The following EEFSEC variants were observed in gnomAD, a reference collection of about 807,000 sequenced individuals.
The protein encoded by EEFSEC is selenocysteine-specific elongation factor.
Under a neutral mutation model 42.1 loss-of-function variants are expected in EEFSEC, and 43 were observed. The observed-to-expected ratio is 1.02, with a 90% CI of 0.80 to 1.32. The LOEUF (loss-of-function observed/expected upper bound fraction) is 1.32, where lower values mean the gene tolerates loss of function less well. EEFSEC is among the 40% of genes most tolerant of loss of function. The probability of loss-of-function intolerance (pLI) is 0.00; values close to 1 mark genes in which losing one functional copy is unlikely to be tolerated. For synonymous variants in EEFSEC, 354 were observed against 339.1 expected (o/e 1.04, Z -0.48); for missense variants, 745 against 803.6 (o/e 0.93, Z 0.88).
At chr3:128,248,108 CTTGTTGAGCACA>C (rs745954392) in intron 2 of EEFSEC, among the ~76,000 whole-genome samples, 9 of 152,190 alleles carry the variant, frequency 5.9e-5, no homozygotes, top group Non-Finnish European at 1.2e-4. Context: ...AGAAAATGTC[CTTGTTGAGCACA>C]GTGTTGACAG....
At chr3:128,358,494 G>A (rs377127784) in intron 6 of EEFSEC, 121 bp downstream of exon 6, 62 of 1,402,820 alleles carry the variant, frequency 4.4e-5, no homozygotes, top group African/African-American at 1.9e-4. Flanking sequence ...GCCGAGACAC[G>A]GGGTGACTTG....
chr3:128,202,412 A>T (rs921814552), intron 1 of EEFSEC, among the ~76,000 whole-genome samples: 1 of 152,158 alleles, frequency 6.6e-6, no homozygotes, highest in African/African-American at 2.4e-5. Context: ...TAAGTATTTT[A>T]TGTATTTTGA....
chr3:128,265,849 A>T (rs2066348442), intron 4 of EEFSEC, among the ~76,000 whole-genome samples: 1 of 152,244 alleles, frequency 6.6e-6, no homozygotes, highest in Non-Finnish European at 1.5e-5. Context: ...GTAAAGATAC[A>T]TAGATGTAAA....
chr3:128,370,697 A>G (rs532171461), intron 6 of EEFSEC, among the ~76,000 whole-genome samples: 25 of 152,260 alleles, frequency 1.6e-4, no homozygotes, highest in African/African-American at 5.8e-4. Context: ...CCCTGTGACC[A>G]GCATCAGACC....
the EEFSEC span, among the ~76,000 whole-genome samples, chr3:128,416,833 A>T: frequency 4.5e-4 from 68 of 152,134 alleles, no homozygotes; most frequent in Admixed American, 3.2e-3. Context: ...AAATGAAGAG[A>T]TGGGTTCCTG....
At chr3:128,349,311 C>T (rs920251794) in intron 5 of EEFSEC, among the ~76,000 whole-genome samples, 6 of 152,148 alleles carry the variant, frequency 3.9e-5, no homozygotes, top group African/African-American at 1.2e-4. Context: ...GCAGGGCCGG[C>T]CCAGGCAGCC....
At chr3:128,220,142 G>A (rs2065847992) in intron 1 of EEFSEC, among the ~76,000 whole-genome samples, 2 of 152,186 alleles carry the variant, frequency 1.3e-5, no homozygotes, top group East Asian at 1.9e-4. Context: ...GAGAGAGTGA[G>A]TAACTTAACA....
At chr3:128,254,075 C>T (rs1015081806) in intron 2 of EEFSEC, among the ~76,000 whole-genome samples, 2 of 152,330 alleles carry the variant, frequency 1.3e-5, no homozygotes, top group Admixed American at 6.5e-5. Flanking sequence ...GAGGAGCTTC[C>T]TGTGCAGTTG....
chr3:128,288,696 C>T (rs1417623562), intron 4 of EEFSEC, among the ~76,000 whole-genome samples: 1 of 152,176 alleles, frequency 6.6e-6, no homozygotes, highest in Non-Finnish European at 1.5e-5. Context: ...GTTGACTTAA[C>T]CATCAGAAGT....
chr3:128,347,351 TCTAAATG>T (rs2067324829), intron 5 of EEFSEC, among the ~76,000 whole-genome samples: 1 of 152,110 alleles, frequency 6.6e-6, no homozygotes, highest in African/African-American at 2.4e-5. Flanking sequence ...GTGAAAGTGT[TCTAAATG>T]GCTAATCTTT....
intron 4 of EEFSEC, among the ~76,000 whole-genome samples, chr3:128,285,778 C>A (rs1178914727): frequency 1.3e-5 from 2 of 152,206 alleles, no homozygotes; most frequent in Non-Finnish European, 2.9e-5. Flanking sequence ...GCCGCCAGCA[C>A]CCTGCCACTC....
Position 128,182,884 on chromosome 3 carries a change from G to C in EEFSEC, c.316+29061G>C, listed in dbSNP as rs1310148677. ...TCCCACCAGCCACAGAGATCGGGGCGGGGGGGTGGGGTGGTTGGTCTAGTA... is the reference window on the plus strand; with the variant it reads ...TCCCACCAGCCACAGAGATCGGGGCCGGGGGGTGGGGTGGTTGGTCTAGTA... On this transcript the variant is annotated intron_variant, in intron 1 of 6. Transcript: ENST00000254730. Among the ~76,000 whole-genome samples the C allele has an allele frequency of 5.5e-4, 43 of 77,952 alleles. 5 individuals are homozygous for C. The highest frequency in any genetic ancestry group is 2.2e-3 in the African/African-American group (41 of 18,272). 51.1% of individuals were successfully genotyped at this position (77,952 alleles called of 152,430 possible).
rs558586574 is a variant in EEFSEC, at chr3:128,230,124, C to G, written c.317-16712C>G. On this transcript the variant is annotated intron_variant, in intron 1 of 6. Transcript: ENST00000254730. ...TTTTTCATTCATTCATTCTTTCTCT[C>G]CCTCCCTCCCTCCCTTCCTTCCTTT... Among the ~76,000 whole-genome samples, 709 of 137,068 alleles carry G rather than the reference C, an allele frequency of 5.2e-3. 2 individuals carry two copies. Among genetic ancestry groups the G allele is most frequent in the Non-Finnish European group, 9.1e-3 (584 of 64,050 alleles). 89.9% of individuals were successfully genotyped at this position (137,068 alleles called of 152,430 possible).
In EEFSEC at chr3:128,194,655, A is replaced by G. The variant is rs77664141; in HGVS notation, c.316+40832A>G. Among the ~76,000 whole-genome samples, 756 of 152,342 alleles carry G rather than the reference A, an allele frequency of 5.0e-3. 13 individuals are homozygous for G. Among genetic ancestry groups the G allele is most frequent in the African/African-American group, 0.017 (720 of 41,580 alleles). On this transcript the variant is annotated intron_variant, in intron 1 of 6. Coordinates refer to ENST00000254730, the MANE Select transcript of EEFSEC (RefSeq NM_021937.5). ...AATTGGGAGCCACCCAAATGAAGCA[A>G]AATAAGGTACTTTGTGCACCCTTCT...
At chr3:128,210,190 G>A (rs1321017018) in intron 1 of EEFSEC, among the ~76,000 whole-genome samples, 3 of 152,246 alleles carry the variant, frequency 2.0e-5, no homozygotes. Flanking sequence ...TTATTTAGTA[G>A]AGAGAATGGC....
chr3:128,166,321 G>T (rs2065242345), intron 1 of EEFSEC, among the ~76,000 whole-genome samples: 1 of 152,198 alleles, frequency 6.6e-6, no homozygotes, highest in African/African-American at 2.4e-5. Flanking sequence ...CTTTCCAGCA[G>T]AACTTTCTGT....
intron 4 of EEFSEC, among the ~76,000 whole-genome samples, chr3:128,299,784 G>C (rs1559909485): frequency 6.6e-6 from 1 of 152,228 alleles, no homozygotes; most frequent in Non-Finnish European, 1.5e-5. Flanking sequence ...GCTCCTCAGA[G>C]ATGACCACGT....
chr3:128,330,359 G>A (rs528255975), intron 4 of EEFSEC, among the ~76,000 whole-genome samples: 1 of 152,280 alleles, frequency 6.6e-6, no homozygotes, highest in African/African-American at 2.4e-5. Context: ...GCCCCATGTG[G>A]CAGGCACTGT....
chr3:128,219,058 A>G (rs2065838030), intron 1 of EEFSEC, among the ~76,000 whole-genome samples: 4 of 152,188 alleles, frequency 2.6e-5, no homozygotes, highest in Non-Finnish European at 5.9e-5. Context: ...CCGAGGCCTG[A>G]GCAGAGGAGT....
Sources: gnomAD v4.1 joint callset for allele counts (sites outside exome capture counted in the v4.1 genomes callset) on GRCh38, gnomAD v4.1.1 for gene constraint, MANE v1.5 for transcripts, NCBI Gene and HGNC (gene_info 2026-07-23, HGNC 2026-07-21) for gene names.